Variants in PRKAG2 observed in about 807,000 individuals in gnomAD.
PRKAG2 encodes protein kinase AMP-activated non-catalytic subunit gamma 2.
Under a neutral mutation model 69.6 loss-of-function variants are expected in PRKAG2, and 26 were observed. The ratio of observed to expected loss-of-function variants is 0.37; its 90% CI spans 0.27 to 0.52. The LOEUF is 0.52. PRKAG2 is among the 20% of genes least tolerant of loss of function. The pLI is 0.90. For missense variants in PRKAG2, 557 were observed against 740.0 expected (o/e 0.75, Z 2.87); for synonymous variants, 293 against 285.0 (o/e 1.03, Z -0.28).
At chr7:151,664,156 G>A (rs1011414876) in intron 4 of PRKAG2, among the ~76,000 whole-genome samples, 1 of 152,128 alleles carries the variant, frequency 6.6e-6, no homozygotes, top group African/African-American at 2.4e-5. Context: ...TGAGAATCTC[G>A]GATCTCTCCA....
intron 4 of PRKAG2, among the ~76,000 whole-genome samples, chr7:151,645,349 C>T (rs934268973): frequency 6.6e-6 from 1 of 152,210 alleles, no homozygotes; most frequent in Non-Finnish European, 1.5e-5. Flanking sequence ...GAACTAAACA[C>T]TGCCACTAAC....
At position 151,632,022 on chromosome 7, in the gene PRKAG2, G is replaced by A; in HGVS notation, c.754+47C>T. 4.0e-6 allele frequency: 5 copies of A among 1,256,534 alleles called. No homozygotes were observed. The highest frequency in any genetic ancestry group is 1.6e-5 in the African/African-American group (1 of 64,224). 77.8% of individuals were successfully genotyped at this position (1,256,534 alleles called of 1,614,324 possible). A position where few individuals can be genotyped will look rare whatever the true frequency, so the allele number is the denominator to read the frequency against. On this transcript the variant is annotated intron_variant, in intron 5 of 15. Transcript: ENST00000287878. The surrounding 1 kb of genome is among the most constrained non-coding windows in gnomAD (Gnocchi z 4.2). ...CCCCGCGGGTCCCGGTCCTCGGGCG[G>A]CCGGGCCGTGGGAGCGCCGGGCCGG...
chr7:151,849,568 G>A (rs180810956), intron 1 of PRKAG2, among the ~76,000 whole-genome samples: 1 of 152,320 alleles, frequency 6.6e-6, no homozygotes, highest in East Asian at 1.9e-4. Flanking sequence ...TTCTCTCAGA[G>A]TTCTGCAGGC....
At chr7:151,841,650 GTGA>G (rs1347490139) in intron 1 of PRKAG2, among the ~76,000 whole-genome samples, 2 of 128,496 alleles carry the variant, frequency 1.6e-5, no homozygotes, top group South Asian at 2.6e-4. Context: ...ATGGTAGGTA[GTGA>G]TGATGGTAGT....
intron 6 of PRKAG2, among the ~76,000 whole-genome samples, chr7:151,589,261 G>T (rs980095883): frequency 1.2e-4 from 19 of 152,282 alleles, no homozygotes; most frequent in African/African-American, 4.3e-4. Context: ...TGTGCAAAAT[G>T]AGCTTCCTCA....
At chr7:151,750,935 CA>C (rs11431991) in intron 3 of PRKAG2, among the ~76,000 whole-genome samples, 131 of 151,640 alleles carry the variant, frequency 8.6e-4, no homozygotes, top group African/African-American at 2.8e-3. Context: ...CATTTTACCA[CA>C]AAAAAAGTTA....
intron 1 of PRKAG2, among the ~76,000 whole-genome samples, chr7:151,791,457 C>T (rs901828454): frequency 2.0e-5 from 3 of 152,216 alleles, no homozygotes; most frequent in Non-Finnish European, 2.9e-5. Context: ...TCCCGTCTGC[C>T]GGCCACTCAG....
At chr7:151,846,395 T>G (rs1037410962) in intron 1 of PRKAG2, among the ~76,000 whole-genome samples, 1 of 151,994 alleles carries the variant, frequency 6.6e-6, no homozygotes, top group East Asian at 1.9e-4. Flanking sequence ...TTGAAACCGG[T>G]AGGCAGAGGT....
chr7:151,775,742 T>C (rs2076309660), intron 3 of PRKAG2, among the ~76,000 whole-genome samples: 2 of 152,096 alleles, frequency 1.3e-5, no homozygotes, highest in African/African-American at 4.8e-5. Context: ...GACAGCAAGT[T>C]CCTCCCAGGG....
At chr7:151,560,429 T>TG in intron 15 of PRKAG2, 95 bp downstream of exon 15, 1 of 1,610,608 alleles carries the variant, frequency 6.2e-7, no homozygotes, top group African/African-American at 1.3e-5. Context: ...GATCTGTAGG[T>TG]GGGTGGAGAA....
chr7:151,702,266 C>CACAT (rs1563471804), intron 3 of PRKAG2, among the ~76,000 whole-genome samples: 1 of 152,212 alleles, frequency 6.6e-6, no homozygotes, highest in African/African-American at 2.4e-5. Context: ...TTGCATCTTC[C>CACAT]ACATCCTTTA....
chr7:151,734,536 G>A (rs983224200), intron 3 of PRKAG2, among the ~76,000 whole-genome samples: 2 of 152,094 alleles, frequency 1.3e-5, no homozygotes, highest in African/African-American at 2.4e-5. Context: ...AAGCAGTAAC[G>A]CTGGCAATGC....
intron 6 of PRKAG2, among the ~76,000 whole-genome samples, chr7:151,578,351 CA>C (rs904566939): frequency 6.6e-6 from 1 of 152,082 alleles, no homozygotes; most frequent in Non-Finnish European, 1.5e-5. Flanking sequence ...CTCAAACAAG[CA>C]AACAAACAAA....
chr7:151,860,045 A>C (rs551742081), intron 1 of PRKAG2, among the ~76,000 whole-genome samples: 1 of 152,218 alleles, frequency 6.6e-6, no homozygotes, highest in South Asian at 2.1e-4. Flanking sequence ...GGGCACCTGG[A>C]GCTGTAGCAG....
At chr7:151,608,702 A>G (rs1818075723) in intron 5 of PRKAG2, among the ~76,000 whole-genome samples, 1 of 152,230 alleles carries the variant, frequency 6.6e-6, no homozygotes, top group Admixed American at 6.5e-5. Context: ...TTAAAAGAAC[A>G]CTGGTGAATC....
intron 3 of PRKAG2, among the ~76,000 whole-genome samples, chr7:151,706,830 G>C (rs564516720): frequency 1.7e-4 from 26 of 152,332 alleles, no homozygotes; most frequent in African/African-American, 6.3e-4. Flanking sequence ...CGGAGGCCAC[G>C]GTGGTTCCCC....
intron 3 of PRKAG2, among the ~76,000 whole-genome samples, chr7:151,733,646 G>C (rs1799303227): frequency 6.6e-6 from 1 of 151,840 alleles, no homozygotes; most frequent in Non-Finnish European, 1.5e-5. Flanking sequence ...TCCCGTCTAG[G>C]ATTCCATCCC....
At position 151,771,459 on chromosome 7, in the gene PRKAG2, G is replaced by A. The variant is rs777062103; in HGVS notation, c.466+9693C>T. 6.6e-6 allele frequency among the ~76,000 whole-genome samples: 1 copy of A among 152,250 alleles called. No homozygotes were observed. Among genetic ancestry groups the A allele is most frequent in the South Asian group, 2.1e-4 (1 of 4,820 alleles). ...CTGCACTCTGTTCCAAAGCCAGAGA[G>A]CTCCGTGTCCTTTTGCTGTATCTGA... On this transcript the variant is annotated intron_variant, in intron 3 of 15. Coordinates refer to ENST00000287878, the MANE Select transcript of PRKAG2 (RefSeq NM_016203.4). This position sits in a 1 kb window ranked among gnomAD's most constrained non-coding sequence, Gnocchi z 4.0.
chr7:151,838,186 CAG>C, intron 1 of PRKAG2, among the ~76,000 whole-genome samples: 1 of 152,282 alleles, frequency 6.6e-6, no homozygotes, highest in East Asian at 1.9e-4. Flanking sequence ...ACAGTAGACT[CAG>C]AGCCAGAAGA....
Sources: gnomAD v4.1 joint callset for allele counts (sites outside exome capture counted in the v4.1 genomes callset) on GRCh38, gnomAD v4.1.1 for gene constraint, Gnocchi (gnomAD v3.1) non-coding constraint, MANE v1.5 for transcripts, NCBI Gene and HGNC (gene_info 2026-07-23, HGNC 2026-07-21) for gene names.